Variants in ARMC2 observed in about 807,000 individuals in gnomAD.
The protein encoded by ARMC2 is armadillo repeat-containing protein 2.
In ARMC2, 67 loss-of-function variants were observed where a neutral mutation model predicts 90.3. The ratio of observed to expected loss-of-function variants is 0.74; its 90% CI spans 0.61 to 0.91. ARMC2 has a LOEUF of 0.91. Ranked by LOEUF, ARMC2 falls within the 40% of genes least tolerant of loss-of-function variation. The pLI is 0.00. For synonymous variants in ARMC2, 393 were observed against 393.0 expected (o/e 1.00, Z 0.00); for missense variants, 920 against 1,030.9 (o/e 0.89, Z 1.47).
the ARMC2 span, chr6:108,994,685 T>C: frequency 1.5e-6 from 1 of 647,188 alleles, no homozygotes; most frequent in South Asian, 2.4e-5. Context: ...GTCTGTCTCA[T>C]AAGAATTTAT....
chr6:109,031,985 G>A, the ARMC2 span, among the ~76,000 whole-genome samples: 2 of 152,104 alleles, frequency 1.3e-5, no homozygotes, highest in Non-Finnish European at 2.9e-5. Flanking sequence ...ATTTAATATT[G>A]TAAATAATTT....
At chr6:108,950,644 G>A (rs1432887935) in intron 12 of ARMC2, among the ~76,000 whole-genome samples, 1 of 152,220 alleles carries the variant, frequency 6.6e-6, no homozygotes, top group African/African-American at 2.4e-5. Context: ...GTGGGAGAAG[G>A]AAGAGGATCA....
At chr6:108,893,849 C>T (rs1280648853) in intron 5 of ARMC2, among the ~76,000 whole-genome samples, 1 of 152,038 alleles carries the variant, frequency 6.6e-6, no homozygotes, top group Non-Finnish European at 1.5e-5. Context: ...AAACCCCCGT[C>T]TCTACTAAAA....
At position 108,974,282 on chromosome 6, in the gene ARMC2, C is replaced by T. The variant is rs556124123; in HGVS notation, c.*768C>T. ...GGAGCAAGTAACTTAATTTCTTGAGCTGCAACTGCAAAATGGGAATCATAT... is the reference window on the plus strand; with the variant it reads ...GGAGCAAGTAACTTAATTTCTTGAGTTGCAACTGCAAAATGGGAATCATAT... On this transcript the variant is annotated 3_prime_UTR_variant, in exon 18 of 18. Coordinates refer to ENST00000392644, the MANE Select transcript of ARMC2 (RefSeq NM_032131.6). 3 of 152,266 alleles carry T rather than the reference C, an allele frequency of 2.0e-5. No individual in the cohort carries two copies. Among genetic ancestry groups the T allele is most frequent in the African/African-American group, 7.2e-5 (3 of 41,556 alleles). 9.4% of individuals were successfully genotyped at this position (152,266 alleles called of 1,614,324 possible). A position where few individuals can be genotyped will look rare whatever the true frequency, so the allele number is the denominator to read the frequency against.
intron 17 of ARMC2, among the ~76,000 whole-genome samples, chr6:108,967,113 C>A (rs938336231): frequency 2.3e-4 from 35 of 152,184 alleles, no homozygotes; most frequent in Non-Finnish European, 4.0e-4. Context: ...AGAATTCTCT[C>A]CCCACTTACT....
At chr6:108,995,085 T>C in the ARMC2 span, among the ~76,000 whole-genome samples, 1 of 152,158 alleles carries the variant, frequency 6.6e-6, no homozygotes, top group African/African-American at 2.4e-5. Flanking sequence ...TACTTTGGCC[T>C]ATTAGGAATA....
chr6:109,018,987 C>T, the ARMC2 span, among the ~76,000 whole-genome samples: 1 of 152,040 alleles, frequency 6.6e-6, no homozygotes, highest in Non-Finnish European at 1.5e-5. Flanking sequence ...CATTCATAAC[C>T]CCTTAATTTC....
At chr6:108,905,379 T>C (rs9398179) in intron 8 of ARMC2, among the ~76,000 whole-genome samples, 5,005 of 152,256 alleles carry the variant, frequency 0.033, 220 homozygotes, top group East Asian at 0.2. Flanking sequence ...TTTTTAAAAA[T>C]TGTGATATGT....
At chr6:108,986,368 A>AAAT in the ARMC2 span, 17 of 151,392 alleles carry the variant, frequency 1.1e-4, no homozygotes, top group African/African-American at 3.5e-4. Flanking sequence ...TGGCTTATGA[A>AAAT]AGTAGATAGA....
chr6:108,853,955 G>A (rs1582915600), intron 1 of ARMC2, among the ~76,000 whole-genome samples: 1 of 152,074 alleles, frequency 6.6e-6, no homozygotes, highest in Admixed American at 6.5e-5. Context: ...TTCCTATTCT[G>A]TCTTCTTTCA....
chr6:108,958,068 A>C (rs1033581870), intron 13 of ARMC2, among the ~76,000 whole-genome samples: 1 of 152,144 alleles, frequency 6.6e-6, no homozygotes, highest in African/African-American at 2.4e-5. Flanking sequence ...AAATTCATCT[A>C]TGAAGTCCTA....
At chr6:108,901,705 C>T (rs751139125) in intron 7 of ARMC2, among the ~76,000 whole-genome samples, 2 of 152,154 alleles carry the variant, frequency 1.3e-5, no homozygotes, top group Non-Finnish European at 2.9e-5. Context: ...GTGTGAGCCA[C>T]TGAGCCGGCT....
chr6:108,907,591 G>A (rs1016785114), intron 8 of ARMC2: 15 of 1,539,104 alleles, frequency 9.7e-6, no homozygotes, highest in South Asian at 4.5e-5. Flanking sequence ...GGGTGGGGGG[G>A]TGCAGAGCGT....
At chr6:109,008,937 T>C in the ARMC2 span, 1 of 990,876 alleles carries the variant, frequency 1.0e-6, no homozygotes, top group South Asian at 4.7e-5. Flanking sequence ...GGCTAAATAA[T>C]CTGTTTTCAC....
intron 5 of ARMC2, 54 bp downstream of exon 5, chr6:108,876,404 G>A: frequency 6.6e-7 from 1 of 1,518,516 alleles, no homozygotes; most frequent in African/African-American, 1.4e-5. Flanking sequence ...TCATTTACCA[G>A]TTTCTTCTCT....
intron 10 of ARMC2, among the ~76,000 whole-genome samples, chr6:108,923,606 C>T (rs1306727752): frequency 1.4e-5 from 2 of 146,088 alleles, no homozygotes; most frequent in African/African-American, 5.0e-5. Context: ...GCTAGACTCT[C>T]CTCCCCACAC....
At chr6:108,906,555 C>T (rs184068471) in intron 8 of ARMC2, among the ~76,000 whole-genome samples, 1 of 152,022 alleles carries the variant, frequency 6.6e-6, no homozygotes, top group Non-Finnish European at 1.5e-5. Flanking sequence ...GATCACAGCT[C>T]ACTGCAGTAT....
downstream of ARMC2, among the ~76,000 whole-genome samples, chr6:108,977,168 A>T (rs1207019788): frequency 6.6e-6 from 1 of 152,040 alleles, no homozygotes; most frequent in Non-Finnish European, 1.5e-5. Flanking sequence ...TTATTTTGAG[A>T]TACTCCATCA....
intron 10 of ARMC2, among the ~76,000 whole-genome samples, chr6:108,920,564 C>T (rs1774457150): frequency 6.6e-6 from 1 of 152,138 alleles, no homozygotes; most frequent in African/African-American, 2.4e-5. Flanking sequence ...CTCCAATTTT[C>T]CAGGGACAGC....
Sources: gnomAD v4.1 joint callset for allele counts (sites outside exome capture counted in the v4.1 genomes callset) on GRCh38, gnomAD v4.1.1 for gene constraint, MANE v1.5 for transcripts, NCBI Gene and HGNC (gene_info 2026-07-23, HGNC 2026-07-21) for gene names.